The following PDSS2 variants were observed in gnomAD, a reference collection of about 807,000 sequenced individuals.
PDSS2 encodes the protein decaprenyl diphosphate synthase subunit 2.
A neutral mutation model predicts 44.5 loss-of-function variants in PDSS2; 31 were observed. The observed-to-expected ratio is 0.70, with a 90% CI of 0.52 to 0.94. The LOEUF is 0.94. Ranked by LOEUF, PDSS2 falls within the 40% of genes least tolerant of loss-of-function variation. The probability of loss-of-function intolerance (pLI) is 0.00; values close to 1 mark genes in which losing one functional copy is unlikely to be tolerated. For synonymous variants in PDSS2, 157 were observed against 180.3 expected, an observed-to-expected ratio of 0.87 and a Z score of 1.03; for missense variants, 452 against 482.2, an observed-to-expected ratio of 0.94 and a Z score of 0.59.
intron 2 of PDSS2, among the ~76,000 whole-genome samples, chr6:107,289,486 G>A (rs6916914): frequency 0.02 from 3,004 of 152,032 alleles, 106 homozygotes; most frequent in African/African-American, 0.069. Flanking sequence ...GATTGCTCGA[G>A]CCCAGGAATC....
chr6:107,400,485 T>C (rs1780073354), intron 1 of PDSS2, among the ~76,000 whole-genome samples: 1 of 152,068 alleles, frequency 6.6e-6, no homozygotes, highest in Non-Finnish European at 1.5e-5. Flanking sequence ...GGGGCCGCAG[T>C]TTTTGTCCTG....
intron 6 of PDSS2, among the ~76,000 whole-genome samples, chr6:107,205,716 C>T (rs549174138): frequency 3.3e-4 from 50 of 152,246 alleles, no homozygotes; most frequent in South Asian, 3.1e-3. Flanking sequence ...TCAACATGCA[C>T]ATGCATCCAT....
At chr6:107,286,174 A>G (rs1001826950) in intron 2 of PDSS2, among the ~76,000 whole-genome samples, 1 of 151,578 alleles carries the variant, frequency 6.6e-6, no homozygotes, top group African/African-American at 2.4e-5. Context: ...AACAAAGGAT[A>G]AATTTGAGGA....
intron 6 of PDSS2, among the ~76,000 whole-genome samples, chr6:107,202,674 A>AG: frequency 6.6e-6 from 1 of 152,140 alleles, no homozygotes; most frequent in Non-Finnish European, 1.5e-5. Flanking sequence ...AGTTAACACC[A>AG]TTCACACCTG....
intron 1 of PDSS2, among the ~76,000 whole-genome samples, chr6:107,353,904 C>G (rs1235042543): frequency 6.6e-6 from 1 of 152,252 alleles, no homozygotes; most frequent in African/African-American, 2.4e-5. Context: ...AGCAAACACT[C>G]AGTAGTTTTG....
intron 3 of PDSS2, among the ~76,000 whole-genome samples, chr6:107,268,097 C>G (rs547210968): frequency 4.5e-4 from 68 of 152,230 alleles, no homozygotes; most frequent in African/African-American, 1.5e-3. Flanking sequence ...CTCCTAGTAT[C>G]TTTTATCTGT....
At chr6:107,434,181 T>C (rs938701623) in intron 1 of PDSS2, among the ~76,000 whole-genome samples, 18 of 152,316 alleles carry the variant, frequency 1.2e-4, no homozygotes, top group Admixed American at 2.0e-4. Flanking sequence ...ACAACCATTA[T>C]GGAAAACAGT....
intron 7 of PDSS2, 96 bp from the exon 8 acceptor site, chr6:107,154,873 G>T: frequency 9.6e-7 from 1 of 1,042,662 alleles, no homozygotes; most frequent in Non-Finnish European, 1.5e-6. Flanking sequence ...ACAAAGAAAG[G>T]GAGAAATAGT....
intron 2 of PDSS2, among the ~76,000 whole-genome samples, chr6:107,292,224 T>TA (rs5878911): frequency 0.16 from 22,850 of 142,396 alleles, 2,002 homozygotes; most frequent in Admixed American, 0.24. Context: ...GTACTTCAAT[T>TA]AAAAAAAAAA....
At chr6:107,192,944 C>T (rs1772430776) in intron 7 of PDSS2, among the ~76,000 whole-genome samples, 1 of 152,156 alleles carries the variant, frequency 6.6e-6, no homozygotes, top group African/African-American at 2.4e-5. Flanking sequence ...AAGCAGAGCC[C>T]TTCTGGGTCA....
In PDSS2 at chr6:107,304,541, C is replaced by T. The variant is rs112482146; in HGVS notation, c.431+29657G>A. Among the ~76,000 whole-genome samples, 1,274 of 152,288 alleles carry T rather than the reference C, an allele frequency of 8.4e-3. 18 individuals are homozygous for T. The highest frequency in any genetic ancestry group is 0.027 in the African/African-American group (1,113 of 41,544). On this transcript the variant is annotated intron_variant, in intron 2 of 7. Transcript: ENST00000369037. ...TCCCAGCTATTCCACTTAATAGCTG[C>T]GTGAGCTGGATCAATGTGCTCAGCT... is the stretch of plus-strand genomic sequence containing the variant.
At chr6:107,241,344 CTTTTTTTTT>C (rs58623641) in intron 4 of PDSS2, among the ~76,000 whole-genome samples, 3 of 77,982 alleles carry the variant, frequency 3.8e-5, no homozygotes, top group African/African-American at 1.7e-4. Flanking sequence ...TCTTCTTCTT[CTTTTTTTTT>C]TTTTTTTTTT....
At chr6:107,311,995 G>T (rs1368666388) in intron 2 of PDSS2, among the ~76,000 whole-genome samples, 1 of 152,178 alleles carries the variant, frequency 6.6e-6, no homozygotes, top group Non-Finnish European at 1.5e-5. Context: ...AGGTTGGCCT[G>T]GGGATTAGGG....
chr6:107,312,582 A>ATT (rs1036819890), intron 2 of PDSS2, among the ~76,000 whole-genome samples: 2 of 152,150 alleles, frequency 1.3e-5, no homozygotes, highest in African/African-American at 4.8e-5. Flanking sequence ...TGTTGTGATG[A>ATT]TTCAGTGAGC....
At chr6:107,301,546 C>CT (rs1180529724) in intron 2 of PDSS2, among the ~76,000 whole-genome samples, 1 of 152,140 alleles carries the variant, frequency 6.6e-6, no homozygotes, top group Non-Finnish European at 1.5e-5. Context: ...TGGTGGGTAT[C>CT]TTATCACAGA....
intron 6 of PDSS2, among the ~76,000 whole-genome samples, chr6:107,199,618 T>C (rs1284694129): frequency 1.3e-5 from 2 of 152,234 alleles, no homozygotes; most frequent in Non-Finnish European, 2.9e-5. Flanking sequence ...CTGTTTTAGA[T>C]ATGCTTCGTC....
At chr6:107,303,130 G>A (rs1776750667) in intron 2 of PDSS2, among the ~76,000 whole-genome samples, 1 of 152,156 alleles carries the variant, frequency 6.6e-6, no homozygotes, top group African/African-American at 2.4e-5. Context: ...CCTTTGTGCT[G>A]TGTCATTCCA....
At chr6:107,387,495 A>T (rs1006563016) in intron 1 of PDSS2, among the ~76,000 whole-genome samples, 5 of 152,232 alleles carry the variant, frequency 3.3e-5, no homozygotes, top group African/African-American at 1.2e-4. Context: ...AGAAGGAAAG[A>T]AAAATTTTAA....
chr6:107,459,465 C>T lies in PDSS2; in HGVS notation c.-180G>A. On this transcript the variant is annotated 5_prime_UTR_variant, in exon 1 of 8. Coordinates refer to ENST00000369037, the MANE Select transcript of PDSS2 (RefSeq NM_020381.4). This position sits in a 1 kb window ranked among gnomAD's most constrained non-coding sequence, Gnocchi z 4.3. ...ACTTTAACTGCTGCTTTCTGCAGCC[C>T]AGGCTGGGCAAACAACAGTCCCAGC... is the stretch of plus-strand genomic sequence containing the variant. 1 of 614,200 alleles carries T rather than the reference C, an allele frequency of 1.6e-6. No homozygotes were observed. The highest frequency in any genetic ancestry group is 2.9e-6 in the Non-Finnish European group (1 of 347,132). The allele number at this position is 614,200 out of a possible 1,614,324, so 38.0% of individuals were successfully genotyped here.
Sources: gnomAD v4.1 joint callset for allele counts (sites outside exome capture counted in the v4.1 genomes callset) on GRCh38, gnomAD v4.1.1 for gene constraint, Gnocchi (gnomAD v3.1) non-coding constraint, MANE v1.5 for transcripts, NCBI Gene and HGNC (gene_info 2026-07-23, HGNC 2026-07-21) for gene names.